The following PALM2AKAP2 variants were observed in gnomAD, a reference collection of about 807,000 sequenced individuals.
PALM2AKAP2 encodes the protein PALM2-AKAP2 fusion protein.
A neutral mutation model predicts 71.5 loss-of-function variants in PALM2AKAP2; 37 were observed. The ratio of observed to expected loss-of-function variants is 0.52; its 90% CI spans 0.40 to 0.68. PALM2AKAP2 has a LOEUF of 0.68. PALM2AKAP2 is among the 30% of genes least tolerant of loss of function. The probability of loss-of-function intolerance (pLI) is 0.00; values close to 1 mark genes in which losing one functional copy is unlikely to be tolerated. For missense variants in PALM2AKAP2, 1,224 were observed against 1,191.8 expected (o/e 1.03, Z -0.40); for synonymous variants, 468 against 478.8 (o/e 0.98, Z 0.29).
chr9:109,917,523 C>G (rs934963115), intron 3 of PALM2AKAP2, among the ~76,000 whole-genome samples: 5 of 139,828 alleles, frequency 3.6e-5, no homozygotes, highest in African/African-American at 1.3e-4. Flanking sequence ...GGGTCTCACT[C>G]TGTCACCCAG....
At chr9:109,777,176 A>G (rs747599042), upstream of PALM2AKAP2, among the ~76,000 whole-genome samples, 1 of 152,230 alleles carries the variant, frequency 6.6e-6, no homozygotes, top group Non-Finnish European at 1.5e-5. Flanking sequence ...AAACCAGTCC[A>G]TCTGATGCAA....
chr9:109,857,489 T>A lies in PALM2AKAP2; in HGVS notation c.46-10002T>A, dbSNP rs569864612. ...TGTAAGAGGCCTCCTTTTTTGGAGA[T>A]TGGAGGGATTTGACATCAAGATGTT... On this transcript the variant is annotated intron_variant, in intron 1 of 9. Coordinates refer to the PALM2AKAP2 transcript ENST00000302798. Among the ~76,000 whole-genome samples the A allele has an allele frequency of 3.3e-5, 5 of 152,250 alleles. No homozygotes were observed. In the South Asian group the frequency reaches 1.0e-3, roughly 32 times the overall value.
chr9:110,145,614 C>T (rs1034937451), intron 2 of PALM2AKAP2, among the ~76,000 whole-genome samples: 2 of 152,032 alleles, frequency 1.3e-5, no homozygotes, highest in African/African-American at 4.8e-5. Context: ...TACTGTTCTC[C>T]TTGCCTTTTA....
chr9:109,927,453 A>G (rs1478704928), intron 5 of PALM2AKAP2, among the ~76,000 whole-genome samples: 1 of 152,190 alleles, frequency 6.6e-6, no homozygotes, highest in Admixed American at 6.5e-5. Context: ...ATGCGTGCAG[A>G]TTACAGAATC....
chr9:110,023,236 A>G (rs1833106431), intron 7 of PALM2AKAP2, among the ~76,000 whole-genome samples: 1 of 146,898 alleles, frequency 6.8e-6, no homozygotes, highest in Non-Finnish European at 1.5e-5. Flanking sequence ...CCTCTCCAGC[A>G]CCTGTTTTTT....
chr9:109,727,008 A>G (rs1311412977), intron 1 of PALM2AKAP2, among the ~76,000 whole-genome samples: 1 of 152,250 alleles, frequency 6.6e-6, no homozygotes, highest in Non-Finnish European at 1.5e-5. Flanking sequence ...TCACTGAACC[A>G]TCACAGAGAG....
chr9:109,854,128 C>A (rs918524366), intron 1 of PALM2AKAP2, among the ~76,000 whole-genome samples: 1 of 152,210 alleles, frequency 6.6e-6, no homozygotes, highest in East Asian at 1.9e-4. Context: ...CAGTGAGAAG[C>A]AGTACCTTTC....
At chr9:110,091,709 G>T (rs549398812) in intron 1 of PALM2AKAP2, among the ~76,000 whole-genome samples, 109 of 152,090 alleles carry the variant, frequency 7.2e-4, no homozygotes, top group Non-Finnish European at 1.2e-3. Flanking sequence ...TGATCTGCCC[G>T]CCTTGGCCTC....
In PALM2AKAP2 at chr9:110,068,424, T is replaced by G. The variant is rs1237360240; in HGVS notation, c.156+19569T>G. Among the ~76,000 whole-genome samples the G allele has an allele frequency of 2.0e-5, 3 of 149,370 alleles. 1 individual carries two copies. The highest frequency in any genetic ancestry group is 5.1e-5 in the African/African-American group (2 of 39,144). ...TGCTAATATCATGCAAATAATGAGATGATATAGGAATCTCTGCTCTAGTGG... is the reference window on the plus strand; with the variant it reads ...TGCTAATATCATGCAAATAATGAGAGGATATAGGAATCTCTGCTCTAGTGG... On this transcript the variant is annotated intron_variant, in intron 1 of 3. Transcript: ENST00000374525.
Position 109,965,059 on chromosome 9 carries a change from C to A in PALM2AKAP2, c.496+33031C>A, listed in dbSNP as rs555696627. Among the ~76,000 whole-genome samples, 13 of 152,290 alleles carry A rather than the reference C, an allele frequency of 8.5e-5. 1 individual carries two copies. In the South Asian group the frequency reaches 2.7e-3, roughly 32 times the overall value. On this transcript the variant is annotated intron_variant, in intron 6 of 9. Transcript: ENST00000302798. ...TCCTTATTAAGTTAGATACTCATCT[C>A]TTCTAGAAAATAAAATGTTTATTAG... is the stretch of plus-strand genomic sequence containing the variant.
At chr9:109,965,279 G>A (rs1831925960) in intron 6 of PALM2AKAP2, among the ~76,000 whole-genome samples, 1 of 152,132 alleles carries the variant, frequency 6.6e-6, no homozygotes, top group Non-Finnish European at 1.5e-5. Flanking sequence ...ACAGATATTT[G>A]TATACCAATG....
chr9:109,657,926 ATTTGTGTGTG>A (rs1166830584), intron 1 of PALM2AKAP2, among the ~76,000 whole-genome samples: 1 of 122,986 alleles, frequency 8.1e-6, no homozygotes, highest in Non-Finnish European at 1.8e-5. Context: ...GAGCTCACAG[ATTTGTGTGTG>A]TTTGTGTGTG....
intron 1 of PALM2AKAP2, among the ~76,000 whole-genome samples, chr9:109,697,893 T>G (rs1377709700): frequency 3.3e-5 from 5 of 152,224 alleles, no homozygotes; most frequent in Admixed American, 3.3e-4. Context: ...TAATTACCAT[T>G]CATTTTACCG....
chr9:110,043,868 G>A (rs1226009345), upstream of PALM2AKAP2, among the ~76,000 whole-genome samples: 1 of 151,656 alleles, frequency 6.6e-6, no homozygotes, highest in Admixed American at 6.6e-5. Flanking sequence ...TCACAAGCAT[G>A]TCACCACACC....
chr9:109,646,147 G>C (rs1446157841), intron 1 of PALM2AKAP2, among the ~76,000 whole-genome samples: 1 of 152,192 alleles, frequency 6.6e-6, no homozygotes, highest in Non-Finnish European at 1.5e-5. Flanking sequence ...CCAGAAGGTA[G>C]GGTTGGTGTC....
At chr9:110,046,736 G>A (rs1833604610), upstream of PALM2AKAP2, among the ~76,000 whole-genome samples, 1 of 152,114 alleles carries the variant, frequency 6.6e-6, no homozygotes, top group African/African-American at 2.4e-5. Context: ...CCAAAGTGCT[G>A]GGATTACAGG....
intron 1 of PALM2AKAP2, among the ~76,000 whole-genome samples, chr9:109,707,491 G>A (rs1828162349): frequency 6.6e-6 from 1 of 152,276 alleles, no homozygotes; most frequent in South Asian, 2.1e-4. Flanking sequence ...CAGCCAACTT[G>A]GTTTCCAGGG....
intron 1 of PALM2AKAP2, among the ~76,000 whole-genome samples, chr9:109,843,062 C>A (rs1263016383): frequency 7.1e-6 from 1 of 141,218 alleles, no homozygotes; most frequent in African/African-American, 2.7e-5. Flanking sequence ...CTCGCTTGAA[C>A]CCGGGAGGTG....
chr9:109,760,185 G>A (rs1043643451), intron 1 of PALM2AKAP2, among the ~76,000 whole-genome samples: 21 of 151,980 alleles, frequency 1.4e-4, no homozygotes, highest in African/African-American at 2.4e-4. Flanking sequence ...ACTCTAAACC[G>A]CAGTACTTTA....
Sources: allele counts gnomAD v4.1 joint callset (sites outside exome capture counted in the v4.1 genomes callset), GRCh38; gene constraint gnomAD v4.1.1; transcripts MANE v1.5; gene names NCBI Gene and HGNC (gene_info 2026-07-23, HGNC 2026-07-21).